The following ME1 variants were observed in gnomAD, a reference collection of about 807,000 sequenced individuals.
ME1 encodes NADP-dependent malic enzyme.
Under a neutral mutation model 66.4 loss-of-function variants are expected in ME1, and 74 were observed. That is an observed-to-expected ratio of 1.11 (90% CI 0.92 to 1.35). The LOEUF is 1.35. ME1 is among the 40% of genes most tolerant of loss of function. The probability of loss-of-function intolerance (pLI) is 0.00; values close to 1 mark genes in which losing one functional copy is unlikely to be tolerated. For synonymous variants in ME1, 251 were observed against 235.6 expected, an observed-to-expected ratio of 1.07 and a Z score of -0.60; for missense variants, 750 against 694.1, an observed-to-expected ratio of 1.08 and a Z score of -0.90.
At chr6:83,227,254 G>GT in intron 11 of ME1, 81 bp downstream of exon 11, 4 of 970,566 alleles carry the variant, frequency 4.1e-6, no homozygotes, top group African/African-American at 3.4e-5. Context: ...AACTTAAACA[G>GT]TAAGCACCTT....
intron 13 of ME1, among the ~76,000 whole-genome samples, chr6:83,214,189 A>C (rs966716244): frequency 3.9e-5 from 6 of 152,204 alleles, no homozygotes; most frequent in Admixed American, 2.6e-4. Flanking sequence ...TTTTATAATA[A>C]AACACATTGT....
intron 6 of ME1, among the ~76,000 whole-genome samples, chr6:83,262,010 T>C (rs1437371310): frequency 1.9e-5 from 2 of 104,842 alleles, no homozygotes; most frequent in African/African-American, 7.2e-5. Context: ...CGAGAATCCA[T>C]CTCAAAAAAA....
At chr6:83,244,232 T>A (rs1358715900) in intron 7 of ME1, among the ~76,000 whole-genome samples, 2 of 151,998 alleles carry the variant, frequency 1.3e-5, no homozygotes, top group African/African-American at 2.4e-5. Flanking sequence ...AAAGGAAGAT[T>A]ACCTAAGGAA....
chr6:83,315,424 A>T lies in ME1; in HGVS notation c.601-11T>A. On this transcript the variant is annotated splice_polypyrimidine_tract_variant and intron_variant, in intron 5 of 13. Coordinates refer to ENST00000369705, the MANE Select transcript of ME1 (RefSeq NM_002395.6). Reference sequence around the variant, plus strand: ...ATCTTTAAGTAACTCCTATTAAAAAAAGTTACCATAAAAATAGAAATAACT... The same window carrying T: ...ATCTTTAAGTAACTCCTATTAAAAATAGTTACCATAAAAATAGAAATAACT... 6.9e-7 allele frequency: 1 copy of T among 1,458,362 alleles called. No homozygotes were observed. Among genetic ancestry groups the T allele is most frequent in the Admixed American group, 1.9e-5 (1 of 52,978 alleles). 90.3% of individuals were successfully genotyped at this position (1,458,362 alleles called of 1,614,324 possible).
intron 6 of ME1, among the ~76,000 whole-genome samples, chr6:83,286,815 C>G (rs1380176845): frequency 6.6e-6 from 1 of 152,030 alleles, no homozygotes; most frequent in African/African-American, 2.4e-5. Flanking sequence ...TTCCTTGTAG[C>G]CTCACAGTAC....
chr6:83,243,373 A>AT lies in ME1; in HGVS notation c.815-3738dup, dbSNP rs1491529331. Among the ~76,000 whole-genome samples the AT allele has an allele frequency of 1.0e-4, 12 of 115,820 alleles. 2 individuals are homozygous for AT. Among genetic ancestry groups the AT allele is most frequent in the Admixed American group, 9.2e-4 (9 of 9,740 alleles). 76.0% of individuals were successfully genotyped at this position (115,820 alleles called of 152,430 possible). A position where few individuals can be genotyped will look rare whatever the true frequency, so the allele number is the denominator to read the frequency against. ...ATATATTTATATAATATATTATATAATAGATTATATTTATATATTTATATA... is the reference window on the plus strand; with the variant it reads ...ATATATTTATATAATATATTATATAATTAGATTATATTTATATATTTATATA... On this transcript the variant is annotated intron_variant, in intron 7 of 13. Transcript: ENST00000369705.
At chr6:83,235,336 C>T (rs1210921036) in intron 9 of ME1, among the ~76,000 whole-genome samples, 1 of 152,082 alleles carries the variant, frequency 6.6e-6, no homozygotes, top group Non-Finnish European at 1.5e-5. Flanking sequence ...TTTATTGAAT[C>T]CCCAGAGTCT....
chr6:83,320,258 C>T (rs1768126141), intron 5 of ME1, among the ~76,000 whole-genome samples: 1 of 152,164 alleles, frequency 6.6e-6, no homozygotes, highest in African/African-American at 2.4e-5. Context: ...GTTAAACCTT[C>T]AGATGTTAAG....
chr6:83,213,957 C>G (rs1192218147), intron 13 of ME1, among the ~76,000 whole-genome samples: 1 of 151,894 alleles, frequency 6.6e-6, no homozygotes, highest in East Asian at 1.9e-4. Flanking sequence ...GGTTATTTTC[C>G]TTTTCTCTAT....
chr6:83,294,556 A>C (rs565012524), intron 6 of ME1, among the ~76,000 whole-genome samples: 118 of 152,182 alleles, frequency 7.8e-4, no homozygotes, highest in African/African-American at 2.7e-3. Flanking sequence ...CTGGCTGAAC[A>C]CTACCAGTGA....
intron 5 of ME1, among the ~76,000 whole-genome samples, chr6:83,342,546 A>G (rs1216454828): frequency 6.6e-6 from 1 of 152,228 alleles, no homozygotes; most frequent in African/African-American, 2.4e-5. Flanking sequence ...TAGATAGCAG[A>G]TATTCAATAC....
At chr6:83,388,491 A>G (rs1418881584) in intron 3 of ME1, among the ~76,000 whole-genome samples, 4 of 152,194 alleles carry the variant, frequency 2.6e-5, no homozygotes, top group Non-Finnish European at 5.9e-5. Context: ...AAATTATACC[A>G]GTAACAATAA....
intron 2 of ME1, among the ~76,000 whole-genome samples, chr6:83,400,961 C>T (rs151267619): frequency 2.9e-4 from 44 of 152,192 alleles, no homozygotes; most frequent in Non-Finnish European, 5.0e-4. Context: ...ACTGCTCCAC[C>T]ACCTTTGATT....
chr6:83,277,412 C>T (rs1767203248), intron 6 of ME1, among the ~76,000 whole-genome samples: 1 of 152,150 alleles, frequency 6.6e-6, no homozygotes, highest in Non-Finnish European at 1.5e-5. Context: ...GCAGAAAACA[C>T]AACTGAAAAC....
chr6:83,309,009 T>C (rs1767879970), intron 6 of ME1, among the ~76,000 whole-genome samples: 1 of 152,048 alleles, frequency 6.6e-6, no homozygotes, highest in South Asian at 2.1e-4. Context: ...TAGTTTGAAT[T>C]AGAAAAATAG....
chr6:83,287,060 T>C (rs1385108195), intron 6 of ME1, among the ~76,000 whole-genome samples: 4 of 152,176 alleles, frequency 2.6e-5, no homozygotes, highest in South Asian at 2.1e-4. Flanking sequence ...ATTTCAACAA[T>C]CCTTTAAAAA....
At chr6:83,301,111 G>A (rs961713713) in intron 6 of ME1, among the ~76,000 whole-genome samples, 4 of 151,882 alleles carry the variant, frequency 2.6e-5, no homozygotes, top group African/African-American at 9.7e-5. Flanking sequence ...CGAGTCAGTG[G>A]GTGCAGCACA....
intron 1 of ME1, among the ~76,000 whole-genome samples, chr6:83,425,523 G>C (rs1281451793): frequency 6.6e-6 from 1 of 152,072 alleles, no homozygotes; most frequent in East Asian, 1.9e-4. Flanking sequence ...GAGCAAAAGG[G>C]GGGAAAGCCC....
At chr6:83,396,610 TATAAAA>T (rs1360976161) in intron 3 of ME1, among the ~76,000 whole-genome samples, 2 of 152,016 alleles carry the variant, frequency 1.3e-5, no homozygotes, top group African/African-American at 2.4e-5. Context: ...TTCACAGAAA[TATAAAA>T]ATAAAGATTA....
Sources: gnomAD v4.1 joint callset for allele counts (sites outside exome capture counted in the v4.1 genomes callset) on GRCh38, gnomAD v4.1.1 for gene constraint, MANE v1.5 for transcripts, NCBI Gene and HGNC (gene_info 2026-07-23, HGNC 2026-07-21) for gene names.